IPO8: variants seen among roughly 807,000 people sequenced by gnomAD.
IPO8 encodes importin 8.
Under a neutral mutation model 141.2 loss-of-function variants are expected in IPO8, and 65 were observed. That is an observed-to-expected ratio of 0.46 (90% CI 0.38 to 0.57). IPO8 has a LOEUF of 0.57. IPO8 is among the 20% of genes least tolerant of loss of function. The pLI, the probability that IPO8 is intolerant of heterozygous loss-of-function variation, is 0.00. For missense variants in IPO8, 980 were observed against 1,246.8 expected, an observed-to-expected ratio of 0.79 and a Z score of 3.22; for synonymous variants, 411 against 420.3, an observed-to-expected ratio of 0.98 and a Z score of 0.27.
In IPO8 at chr12:30,677,522, T is replaced by C. The variant is rs892588385; in HGVS notation, c.640-935A>G. On this transcript the variant is annotated intron_variant, in intron 5 of 24. Transcript: ENST00000256079. ...TTTTTAAGTTATCTAAAACAGCCTC[T>C]GGTAGGTCTTTCAGGAGTATTCCAG... Among the ~76,000 whole-genome samples the C allele has an allele frequency of 6.6e-5, 10 of 152,130 alleles. No homozygotes were observed. The East Asian group carries it at 1.9e-3, about 29-fold the overall frequency.
intron 19 of IPO8, among the ~76,000 whole-genome samples, chr12:30,651,054 A>G (rs1409427033): frequency 2.0e-5 from 3 of 152,132 alleles, no homozygotes; most frequent in Admixed American, 1.3e-4. Flanking sequence ...CTTGATAAGC[A>G]TAAGGAAATC....
At chr12:30,658,113 A>C (rs1046539829) in intron 16 of IPO8, among the ~76,000 whole-genome samples, 5 of 152,204 alleles carry the variant, frequency 3.3e-5, no homozygotes, top group African/African-American at 1.2e-4. Context: ...AGTATATTCT[A>C]ATATTCAACT....
intron 16 of IPO8, among the ~76,000 whole-genome samples, chr12:30,657,175 A>C (rs1222576198): frequency 6.6e-6 from 1 of 152,236 alleles, no homozygotes; most frequent in African/African-American, 2.4e-5. Flanking sequence ...GGAAGTAAAA[A>C]AAAATGAGTG....
chr12:30,648,768 T>C (rs944404885), intron 20 of IPO8, among the ~76,000 whole-genome samples: 1 of 152,036 alleles, frequency 6.6e-6, no homozygotes, highest in African/African-American at 2.4e-5. Flanking sequence ...AAGAAATATT[T>C]TTTTCTATAG....
At position 30,649,174 on chromosome 12, in the gene IPO8, A is replaced by G. The variant is rs1383504722; in HGVS notation, c.2231T>C (p.Val744Ala). ...CCTTCCTTTGCACTGAAGAATGATG[A>G]CTTCCAGAAGTTTAGCTGCATGACA... ...AECHAAKLLE[V>A]IILQCKGRGI... Residue 744 changes from valine (V) to alanine (A), a missense_variant, in exon 20 of 25, where the codon GTC becomes GCC. Val to Ala is a moderately conservative substitution (Grantham distance 64). Coordinates refer to ENST00000256079, the MANE Select transcript of IPO8 (RefSeq NM_006390.4). 6.2e-7 allele frequency: 1 copy of G among 1,613,380 alleles called. No individual in the cohort carries two copies. The highest frequency in any genetic ancestry group is 2.2e-5 in the East Asian group (1 of 44,848).
chr12:30,695,000 A>G (rs1211127248), intron 1 of IPO8: 2 of 456,014 alleles, frequency 4.4e-6, no homozygotes, highest in African/African-American at 4.0e-5. Context: ...TAGATAAAGC[A>G]GTATCACCAT....
chr12:30,639,497 A>G lies in IPO8; in HGVS notation c.2489+18T>C, dbSNP rs1472651798. 1.3e-6 allele frequency: 2 copies of G among 1,550,008 alleles called. No homozygotes were observed. Among genetic ancestry groups the G allele is most frequent in the East Asian group, 4.5e-5 (2 of 44,504 alleles). On this transcript the variant is annotated intron_variant, in intron 21 of 24. Transcript: ENST00000256079. ...TTCCAGAAACAGAAAAGCAGTGTAA[A>G]ATCCAAAAGACACATACCCAAGAAA...
At chr12:30,670,039 A>G (rs1353218742) in intron 9 of IPO8, among the ~76,000 whole-genome samples, 5 of 152,216 alleles carry the variant, frequency 3.3e-5, no homozygotes, top group African/African-American at 9.6e-5. Context: ...TGTAAAAATA[A>G]AGCCAAAGGT....
chr12:30,650,152 G>C (rs1474248917), intron 19 of IPO8, among the ~76,000 whole-genome samples: 1 of 151,614 alleles, frequency 6.6e-6, no homozygotes, highest in Non-Finnish European at 1.5e-5. Context: ...AGACAGATTA[G>C]AAATAATACT....
Position 30,648,940 on chromosome 12 carries a change from T to C in IPO8, c.2268+197A>G, listed in dbSNP as rs1442224640. On this transcript the variant is annotated intron_variant, in intron 20 of 24. Transcript: ENST00000256079. ...ATATTATTACATATTTTTCTGTGCA[T>C]ACCTTTTTCAGCTACAATGCAAGGT... 3.9e-5 allele frequency among the ~76,000 whole-genome samples: 6 copies of C among 152,268 alleles called. No homozygotes were observed. The East Asian group carries it at 1.2e-3, about 29-fold the overall frequency.
At chr12:30,653,511 T>C (rs1157288612) in intron 17 of IPO8, among the ~76,000 whole-genome samples, 3 of 152,064 alleles carry the variant, frequency 2.0e-5, no homozygotes. Context: ...CTAAAGTATC[T>C]ACCTATCTCA....
chr12:30,643,743 C>T (rs558197532), intron 20 of IPO8, among the ~76,000 whole-genome samples: 5 of 152,340 alleles, frequency 3.3e-5, no homozygotes, highest in African/African-American at 1.2e-4. Flanking sequence ...TTTGCCCCTT[C>T]GCATACATCC....
intron 19 of IPO8, among the ~76,000 whole-genome samples, chr12:30,649,711 A>G (rs2052699271): frequency 1.3e-5 from 2 of 152,140 alleles, no homozygotes; most frequent in Admixed American, 6.6e-5. Context: ...GTAACCATTT[A>G]TAACTATACA....
chr12:30,663,766 G>C (rs183411217), intron 13 of IPO8, 112 bp from the exon 14 acceptor site: 354 of 823,210 alleles, frequency 4.3e-4, no homozygotes, highest in Admixed American at 6.0e-4. Context: ...AGAAATGTTT[G>C]CTTTTGGGGT....
At chr12:30,635,152 A>C (rs889567527) in intron 22 of IPO8, among the ~76,000 whole-genome samples, 2 of 152,272 alleles carry the variant, frequency 1.3e-5, no homozygotes, top group East Asian at 3.9e-4. Flanking sequence ...GGTGGTTACC[A>C]GAGGCTAGAG....
intron 20 of IPO8, among the ~76,000 whole-genome samples, chr12:30,642,057 G>A (rs758728777): frequency 2.6e-5 from 4 of 151,986 alleles, no homozygotes; most frequent in Admixed American, 1.3e-4. Context: ...TTAGCCGGGC[G>A]TGGTGGCAGT....
chr12:30,652,329 GA>G (rs1367764437), intron 18 of IPO8, 40 bp from the exon 19 acceptor site: 5 of 1,154,872 alleles, frequency 4.3e-6, no homozygotes, highest in South Asian at 2.5e-5. Context: ...TTGAGTGACA[GA>G]AATAGAAATA....
chr12:30,684,731 T>C (rs930134646), intron 2 of IPO8, among the ~76,000 whole-genome samples: 2 of 152,214 alleles, frequency 1.3e-5, no homozygotes, highest in South Asian at 2.1e-4. Context: ...ATAGTAAACA[T>C]ACTTTGAGAT....
intron 16 of IPO8, among the ~76,000 whole-genome samples, chr12:30,658,876 CTTT>C (rs11337753): frequency 4.1e-4 from 37 of 90,194 alleles, no homozygotes; most frequent in African/African-American, 1.3e-3. Flanking sequence ...AGTATCAAGC[CTTT>C]TTTTTTTTTT....
Sources: allele counts gnomAD v4.1 joint callset (sites outside exome capture counted in the v4.1 genomes callset), GRCh38; gene constraint gnomAD v4.1.1; transcripts MANE v1.5; gene names NCBI Gene and HGNC (gene_info 2026-07-23, HGNC 2026-07-21).